The following C16orf78 variants were observed in gnomAD, a reference collection of about 807,000 sequenced individuals.
The protein encoded by C16orf78 is uncharacterized protein C16orf78.
Under a neutral mutation model 27.3 loss-of-function variants are expected in C16orf78, and 19 were observed. The ratio of observed to expected loss-of-function variants is 0.70; its 90% CI spans 0.49 to 1.02. The LOEUF is 1.02. C16orf78 is among the 50% of genes least tolerant of loss of function. The pLI is 0.00. For synonymous variants in C16orf78, 130 were observed against 116.1 expected (o/e 1.12, Z -0.77); for missense variants, 339 against 337.0 (o/e 1.01, Z -0.05).
chr16:49,393,762 T>C (rs1965441314), intron 3 of C16orf78, among the ~76,000 whole-genome samples: 1 of 151,994 alleles, frequency 6.6e-6, no homozygotes, highest in Non-Finnish European at 1.5e-5. Flanking sequence ...ATGAATAATA[T>C]CAAGATCAAA....
chr16:49,380,525 A>G (rs1321277796), intron 3 of C16orf78, among the ~76,000 whole-genome samples: 1 of 152,100 alleles, frequency 6.6e-6, no homozygotes, highest in Non-Finnish European at 1.5e-5. Context: ...AGTGGCTGCT[A>G]TCTTGTCTCT....
chr16:49,383,893 C>T (rs938438683), intron 3 of C16orf78, among the ~76,000 whole-genome samples: 1 of 152,208 alleles, frequency 6.6e-6, no homozygotes, highest in Non-Finnish European at 1.5e-5. Flanking sequence ...GCTCCAATAA[C>T]TGATTCTACA....
intron 3 of C16orf78, 104 bp from the exon 4 acceptor site, chr16:49,396,319 G>A (rs987575366): frequency 4.3e-5 from 56 of 1,317,482 alleles, no homozygotes; most frequent in Middle Eastern, 4.5e-4. Flanking sequence ...GAACAGGTAC[G>A]GTTTGAAGTC....
At position 49,378,457 on chromosome 16, in the gene C16orf78, T is replaced by C; in HGVS notation, c.271-13T>C. On this transcript the variant is annotated splice_polypyrimidine_tract_variant and intron_variant, in intron 2 of 4. Coordinates refer to ENST00000299191, the MANE Select transcript of C16orf78 (RefSeq NM_144602.4). ...TGTAACTGGGGTGTGACTTCTCACC[T>C]GCTCCCTCCAAGGCCTTAGGAAAGA... The C allele has an allele frequency of 1.3e-6, 2 of 1,563,694 alleles. No homozygotes were observed. The highest frequency in any genetic ancestry group is 1.7e-6 in the Non-Finnish European group (2 of 1,153,210).
chr16:49,395,644 C>T (rs929419360), intron 3 of C16orf78, among the ~76,000 whole-genome samples: 1 of 152,188 alleles, frequency 6.6e-6, no homozygotes, highest in South Asian at 2.1e-4. Context: ...CATTACATTT[C>T]GTGTATTTGT....
intron 3 of C16orf78, 81 bp from the exon 4 acceptor site, chr16:49,396,342 C>T: frequency 6.7e-7 from 1 of 1,495,106 alleles, no homozygotes; most frequent in Non-Finnish European, 9.2e-7. Flanking sequence ...TGCATTCCTC[C>T]AGCCTTCATC....
chr16:49,390,267 A>G (rs1043035966), intron 3 of C16orf78, among the ~76,000 whole-genome samples: 2 of 152,154 alleles, frequency 1.3e-5, no homozygotes, highest in Non-Finnish European at 2.9e-5. Context: ...CTTGGTTTAC[A>G]GTTTTCATCA....
intron 1 of C16orf78, among the ~76,000 whole-genome samples, chr16:49,376,484 G>A (rs919028707): frequency 2.0e-5 from 3 of 152,154 alleles, no homozygotes; most frequent in Admixed American, 6.5e-5. Flanking sequence ...GAGGAGATGG[G>A]TCATCCTAGC....
intron 2 of C16orf78, 44 bp downstream of exon 2, chr16:49,377,894 A>G: frequency 6.5e-7 from 1 of 1,547,508 alleles, no homozygotes; most frequent in African/African-American, 1.4e-5. Flanking sequence ...CTGGGTCTCC[A>G]AATGGAGGAG....
At chr16:49,383,755 G>A (rs1965314222) in intron 3 of C16orf78, among the ~76,000 whole-genome samples, 2 of 152,142 alleles carry the variant, frequency 1.3e-5, no homozygotes, top group East Asian at 3.9e-4. Context: ...AACTTTCGGA[G>A]GCCAAGGCAA....
At chr16:49,393,450 A>G (rs1252107016) in intron 3 of C16orf78, among the ~76,000 whole-genome samples, 1 of 152,196 alleles carries the variant, frequency 6.6e-6, no homozygotes, top group Non-Finnish European at 1.5e-5. Context: ...TACCTACATC[A>G]CCCTAAACCA....
In C16orf78 at chr16:49,378,602, A is replaced by T; in HGVS notation, c.394+9A>T. On this transcript the variant is annotated intron_variant, in intron 3 of 4. Coordinates refer to ENST00000299191, the MANE Select transcript of C16orf78 (RefSeq NM_144602.4). ...TGGCCCCAAGAAATCTGGTAAGGGAAAAACCTTGGCCCCGGCCACCAGAAT... is the reference window on the plus strand; with the variant it reads ...TGGCCCCAAGAAATCTGGTAAGGGATAAACCTTGGCCCCGGCCACCAGAAT... 6.2e-7 allele frequency: 1 copy of T among 1,613,834 alleles called. No individual in the cohort carries two copies.
intron 3 of C16orf78, among the ~76,000 whole-genome samples, chr16:49,389,642 A>G (rs1356200093): frequency 2.0e-5 from 3 of 152,200 alleles, no homozygotes; most frequent in African/African-American, 7.2e-5. Flanking sequence ...AGTGTGTAGT[A>G]TACCTCTTTA....
Position 49,396,698 on chromosome 16 carries a change from G to A in C16orf78, c.650+20G>A, listed in dbSNP as rs929751686. ...CTGCCGGTGAGAGCTGCCACCCCCT[G>A]GGCAGATGGGGTGGGGTCCTGGAAC... On this transcript the variant is annotated intron_variant, in intron 4 of 4. Coordinates refer to ENST00000299191, the MANE Select transcript of C16orf78 (RefSeq NM_144602.4). 2.5e-6 allele frequency: 4 copies of A among 1,599,626 alleles called. No homozygotes were observed. In the African/African-American group the frequency reaches 4.0e-5, roughly 16 times the overall value.
chr16:49,377,314 A>G (rs1225543952), intron 1 of C16orf78, among the ~76,000 whole-genome samples: 1 of 152,180 alleles, frequency 6.6e-6, no homozygotes, highest in African/African-American at 2.4e-5. Flanking sequence ...GCAAAGGCCC[A>G]GAGGTCTGGA....
In C16orf78 at chr16:49,377,769, TAAG is replaced by T. The variant is rs771401786; in HGVS notation, c.196_198del (p.Lys66del). 35 of 1,601,196 alleles carry T rather than the reference TAAG, an allele frequency of 2.2e-5. No homozygotes were observed. The East Asian group carries it at 2.5e-4, about 11-fold the overall frequency. ...AAGTGGTGACAGTCCTTAAACGAAA[TAAG>T]AAGAAGGAAGAGAAGAAAGGCAAAG... On this transcript the variant is annotated inframe_deletion, in exon 2 of 5. Coordinates refer to ENST00000299191, the MANE Select transcript of C16orf78 (RefSeq NM_144602.4).
At chr16:49,376,610 G>C (rs1157000764) in intron 1 of C16orf78, among the ~76,000 whole-genome samples, 1 of 152,158 alleles carries the variant, frequency 6.6e-6, no homozygotes, top group Non-Finnish European at 1.5e-5. Flanking sequence ...TTGCAACATG[G>C]AGCAGGCCCT....
At chr16:49,378,282 T>C (rs1212507675) in intron 2 of C16orf78, among the ~76,000 whole-genome samples, 188 bp from the exon 3 acceptor site, 1 of 152,142 alleles carries the variant, frequency 6.6e-6, no homozygotes, top group Non-Finnish European at 1.5e-5. Flanking sequence ...AGGGAGGCGT[T>C]GGTGAGCAAG....
chr16:49,396,298 C>CTGT, intron 3 of C16orf78, 125 bp from the exon 4 acceptor site: 1 of 1,126,684 alleles, frequency 8.9e-7, no homozygotes, highest in Non-Finnish European at 1.3e-6. Context: ...ACGAAAAGAC[C>CTGT]TCATATCTCA....
Sources: allele counts gnomAD v4.1 joint callset (sites outside exome capture counted in the v4.1 genomes callset), GRCh38; gene constraint gnomAD v4.1.1; transcripts MANE v1.5; gene names NCBI Gene and HGNC (gene_info 2026-07-23, HGNC 2026-07-21).